The following GABRB3 variants were observed in gnomAD, a reference collection of about 807,000 sequenced individuals.
GABRB3 encodes gamma-aminobutyric acid receptor subunit beta-3.
GABRB3 carries 14 observed loss-of-function variants against 52.1 expected under a neutral mutation model. The ratio of observed to expected loss-of-function variants is 0.27; its 90% CI spans 0.18 to 0.42. The LOEUF (loss-of-function observed/expected upper bound fraction) is 0.42. Among genes scored for constraint, GABRB3 ranks in the 10% least tolerant of loss-of-function variants. GABRB3 has a pLI of 1.00. For missense variants in GABRB3, 307 were observed against 609.1 expected, an observed-to-expected ratio of 0.50 and a Z score of 5.22; for synonymous variants, 260 against 232.3, an observed-to-expected ratio of 1.12 and a Z score of -1.08.
intron 4 of GABRB3, among the ~76,000 whole-genome samples, chr15:26,606,792 A>ATCGATAGATAGATAGATAATC (rs1566770629): frequency 3.7e-5 from 2 of 54,700 alleles, no homozygotes; most frequent in African/African-American, 8.2e-5. Flanking sequence ...ATATATCTAT[A>ATCGATAGATAGATAGATAATC]GATAGATATA....
At chr15:26,554,828 C>A (rs1334821038) in intron 8 of GABRB3, among the ~76,000 whole-genome samples, 2 of 152,284 alleles carry the variant, frequency 1.3e-5, no homozygotes, top group East Asian at 3.9e-4. Flanking sequence ...ATAAAACCAA[C>A]TGCTTAGAGC....
intron 3 of GABRB3, among the ~76,000 whole-genome samples, chr15:26,748,908 C>T (rs1890424271): frequency 6.6e-6 from 1 of 152,002 alleles, no homozygotes; most frequent in Non-Finnish European, 1.5e-5. Flanking sequence ...CACCTGGAGT[C>T]CCAGCTAGTT....
At chr15:26,559,453 T>C (rs1889896798) in intron 8 of GABRB3, among the ~76,000 whole-genome samples, 1 of 151,984 alleles carries the variant, frequency 6.6e-6, no homozygotes, top group African/African-American at 2.4e-5. Context: ...CAGTCTCAGG[T>C]ATTCCTTTAT....
At chr15:26,564,324 T>C (rs1409340870) in intron 7 of GABRB3, among the ~76,000 whole-genome samples, 1 of 152,192 alleles carries the variant, frequency 6.6e-6, no homozygotes, top group African/African-American at 2.4e-5. Context: ...CTTCCCACTT[T>C]AAAGTTTGGT....
chr15:26,590,326 A>G (rs1042718521), intron 4 of GABRB3: 10 of 152,190 alleles, frequency 6.6e-5, no homozygotes, highest in Non-Finnish European at 1.2e-4. Flanking sequence ...CGAGATGCCC[A>G]AATGTTCCAG....
At chr15:26,668,253 A>C (rs973522850) in intron 3 of GABRB3, among the ~76,000 whole-genome samples, 5 of 152,240 alleles carry the variant, frequency 3.3e-5, no homozygotes, top group Non-Finnish European at 5.9e-5. Flanking sequence ...AACTTAGCAA[A>C]GTAAATTGGA....
At chr15:26,617,452 CAAAA>C (rs1892300087) in intron 4 of GABRB3, among the ~76,000 whole-genome samples, 1 of 152,136 alleles carries the variant, frequency 6.6e-6, no homozygotes, top group Non-Finnish European at 1.5e-5. Context: ...AGCCCTTTGA[CAAAA>C]TTCAACAATG....
intron 3 of GABRB3, among the ~76,000 whole-genome samples, chr15:26,676,101 C>A (rs2140639768): frequency 6.6e-6 from 1 of 152,284 alleles, no homozygotes; most frequent in East Asian, 1.9e-4. Context: ...TAAGGAGTCA[C>A]CACTAGACCC....
intron 3 of GABRB3, among the ~76,000 whole-genome samples, chr15:26,686,561 G>A (rs192361747): frequency 3.7e-4 from 56 of 152,296 alleles, no homozygotes; most frequent in African/African-American, 1.3e-3. Flanking sequence ...ACATTTTGAT[G>A]GTCATACTGT....
Position 26,685,527 on chromosome 15 carries a change from G to A in GABRB3, c.241-63993C>T, listed in dbSNP as rs189917669. Among the ~76,000 whole-genome samples, 556 of 152,032 alleles carry A rather than the reference G, an allele frequency of 3.7e-3. 1 individual carries two copies. Among genetic ancestry groups the A allele is most frequent in the Non-Finnish European group, 6.1e-3 (412 of 67,976 alleles). ...TTGTGTTATGTGTTACCCCATATAC[G>A]AGTACAAAAAAATATAATGTAGAAA... On this transcript the variant is annotated intron_variant, in intron 3 of 8. Transcript: ENST00000311550.
intron 4 of GABRB3, among the ~76,000 whole-genome samples, chr15:26,601,349 G>A (rs1180464925): frequency 6.6e-6 from 1 of 151,938 alleles, no homozygotes; most frequent in African/African-American, 2.4e-5. Flanking sequence ...GGCAGAGGTG[G>A]CAGTGAGCTG....
At chr15:26,717,831 CTGTAACA>C (rs1279891027) in intron 3 of GABRB3, among the ~76,000 whole-genome samples, 80 of 152,320 alleles carry the variant, frequency 5.3e-4, no homozygotes, top group African/African-American at 1.8e-3. Flanking sequence ...AACTCAACAG[CTGTAACA>C]AATCCAAGCA....
chr15:26,769,675 T>A (rs763140569), intron 3 of GABRB3, among the ~76,000 whole-genome samples: 3 of 152,158 alleles, frequency 2.0e-5, no homozygotes. Flanking sequence ...ATTCTATTCA[T>A]ACCCCTCACA....
chr15:26,630,792 CAGTT>C (rs1435661176), intron 3 of GABRB3, among the ~76,000 whole-genome samples: 6 of 152,214 alleles, frequency 3.9e-5, no homozygotes, highest in South Asian at 2.1e-4. Context: ...GTGTATCAAT[CAGTT>C]AGCACAAAAC....
chr15:26,692,713 T>C (rs1888623811), intron 3 of GABRB3, among the ~76,000 whole-genome samples: 1 of 152,202 alleles, frequency 6.6e-6, no homozygotes. Flanking sequence ...ATAATCCCAA[T>C]AGCTTTTGCA....
intron 3 of GABRB3, chr15:26,629,036 G>T: frequency 2.6e-6 from 4 of 1,536,160 alleles, no homozygotes; most frequent in South Asian, 1.2e-5. Context: ...GTATCCCGGT[G>T]CTGAGGTCCC....
chr15:26,699,405 C>A (rs1052107700), intron 3 of GABRB3, among the ~76,000 whole-genome samples: 9 of 151,638 alleles, frequency 5.9e-5, no homozygotes, highest in African/African-American at 2.2e-4. Flanking sequence ...TTAAAATTCA[C>A]AATGTCTGGC....
At chr15:26,582,853 G>GC (rs1276363000) in intron 5 of GABRB3, among the ~76,000 whole-genome samples, 8 of 152,316 alleles carry the variant, frequency 5.3e-5, no homozygotes, top group African/African-American at 1.9e-4. Context: ...TATGGATGCA[G>GC]TTCTCATCTC....
At chr15:26,716,906 C>A in intron 3 of GABRB3, 1 of 783,136 alleles carries the variant, frequency 1.3e-6, no homozygotes, top group East Asian at 9.1e-5. Context: ...CTCCACCCAA[C>A]CACAGCCTAG....
Sources: gnomAD v4.1 joint callset for allele counts (sites outside exome capture counted in the v4.1 genomes callset) on GRCh38, gnomAD v4.1.1 for gene constraint, MANE v1.5 for transcripts, NCBI Gene and HGNC (gene_info 2026-07-23, HGNC 2026-07-21) for gene names.